GALNT17: variants seen among roughly 807,000 people sequenced by gnomAD.
GALNT17 encodes polypeptide N-acetylgalactosaminyltransferase 17.
Under a neutral mutation model 63.7 loss-of-function variants are expected in GALNT17, and 29 were observed. That is an observed-to-expected ratio of 0.46 (90% CI 0.34 to 0.62). GALNT17 has a LOEUF of 0.62. Among genes scored for constraint, GALNT17 ranks in the 20% least tolerant of loss-of-function variants. The pLI, the probability that GALNT17 is intolerant of heterozygous loss-of-function variation, is 0.01. For synonymous variants in GALNT17, 305 were observed against 318.3 expected, an observed-to-expected ratio of 0.96 and a Z score of 0.45; for missense variants, 603 against 799.6, an observed-to-expected ratio of 0.75 and a Z score of 2.97.
intron 3 of GALNT17, among the ~76,000 whole-genome samples, chr7:71,396,066 T>A (rs949955771): frequency 6.6e-6 from 1 of 152,214 alleles, no homozygotes; most frequent in Non-Finnish European, 1.5e-5. Context: ...CTGTGGGTTG[T>A]CTTTTCACAT....
At chr7:71,670,322 A>G (rs1267218193) in intron 8 of GALNT17, among the ~76,000 whole-genome samples, 1 of 152,168 alleles carries the variant, frequency 6.6e-6, no homozygotes, top group Non-Finnish European at 1.5e-5. Flanking sequence ...AGACTATGAT[A>G]GTCTACTTTG....
intron 1 of GALNT17, among the ~76,000 whole-genome samples, chr7:71,268,240 C>T (rs1311660127): frequency 2.0e-5 from 3 of 152,034 alleles, no homozygotes; most frequent in African/African-American, 7.2e-5. Flanking sequence ...AAGCAAACCC[C>T]CCATACAGAT....
At chr7:71,683,575 G>A (rs1047722550) in intron 9 of GALNT17, among the ~76,000 whole-genome samples, 3 of 152,182 alleles carry the variant, frequency 2.0e-5, no homozygotes, top group African/African-American at 7.2e-5. Flanking sequence ...CTTGCAGCAT[G>A]TGTTTGTCAA....
chr7:71,337,550 T>C (rs1197343949), intron 2 of GALNT17, among the ~76,000 whole-genome samples: 4 of 152,162 alleles, frequency 2.6e-5, no homozygotes, highest in Admixed American at 2.6e-4. Flanking sequence ...CTTACACTTT[T>C]TTGCATGAGA....
At chr7:71,706,713 T>TTA (rs1436470286) in intron 9 of GALNT17, among the ~76,000 whole-genome samples, 1 of 152,158 alleles carries the variant, frequency 6.6e-6, no homozygotes, top group Non-Finnish European at 1.5e-5. Flanking sequence ...CAAGGGCACT[T>TTA]AATAAACTCC....
At chr7:71,590,876 T>C (rs1309567563) in intron 6 of GALNT17, among the ~76,000 whole-genome samples, 1 of 151,848 alleles carries the variant, frequency 6.6e-6, no homozygotes, top group Non-Finnish European at 1.5e-5. Context: ...TACAGGTGCC[T>C]GCCACCAAGC....
intron 1 of GALNT17, among the ~76,000 whole-genome samples, chr7:71,176,232 C>G (rs1157578303): frequency 6.6e-6 from 1 of 151,988 alleles, no homozygotes; most frequent in African/African-American, 2.4e-5. Context: ...TCTGAAGTCC[C>G]CATATACCGC....
At chr7:71,173,723 A>G (rs10081291) in intron 1 of GALNT17, among the ~76,000 whole-genome samples, 45,860 of 151,924 alleles carry the variant, frequency 0.3, 8,017 homozygotes, top group African/African-American at 0.48. Flanking sequence ...CAGTGAGCTG[A>G]GATTGTGCCA....
In GALNT17 at chr7:71,570,723, T is replaced by C. The variant is rs376910699; in HGVS notation, c.963-562T>C. 2.6e-4 allele frequency among the ~76,000 whole-genome samples: 39 copies of C among 152,284 alleles called. 2 individuals are homozygous for C. In the South Asian group the frequency reaches 8.1e-3, roughly 32 times the overall value. ...GGCTGGGCATGGTGTTTCATGCCTGTAATCCCAGCACTTTGGGACGCTGAG... is the reference window on the plus strand; with the variant it reads ...GGCTGGGCATGGTGTTTCATGCCTGCAATCCCAGCACTTTGGGACGCTGAG... On this transcript the variant is annotated intron_variant, in intron 5 of 10. Coordinates refer to ENST00000333538, the MANE Select transcript of GALNT17 (RefSeq NM_022479.3).
At chr7:71,482,140 A>G (rs1474889903) in intron 5 of GALNT17, among the ~76,000 whole-genome samples, 2 of 123,392 alleles carry the variant, frequency 1.6e-5, no homozygotes, top group Non-Finnish European at 3.3e-5. Context: ...TTGCATAATG[A>G]CAAGGATACA....
chr7:71,135,906 G>T (rs1787775709), intron 1 of GALNT17, among the ~76,000 whole-genome samples: 1 of 152,184 alleles, frequency 6.6e-6, no homozygotes. Flanking sequence ...GAGTTTTCCT[G>T]ACTTGCAAGT....
At chr7:71,661,685 C>T (rs1240242149) in intron 6 of GALNT17, among the ~76,000 whole-genome samples, 2 of 152,164 alleles carry the variant, frequency 1.3e-5, no homozygotes, top group Non-Finnish European at 2.9e-5. Context: ...CAGGCACTGA[C>T]CCTGGCAGTT....
intron 1 of GALNT17, among the ~76,000 whole-genome samples, chr7:71,225,058 T>C (rs924246607): frequency 7.2e-5 from 11 of 152,134 alleles, no homozygotes; most frequent in Non-Finnish European, 2.9e-5. Flanking sequence ...AACCTCCACC[T>C]CCTGGGTTCA....
intron 5 of GALNT17, among the ~76,000 whole-genome samples, chr7:71,551,271 C>T (rs899506509): frequency 4.6e-5 from 7 of 152,038 alleles, no homozygotes; most frequent in Non-Finnish European, 1.0e-4. Context: ...AATTTTTGAA[C>T]TTTTTGATTT....
At chr7:71,425,124 T>A (rs1786734565) in intron 5 of GALNT17, among the ~76,000 whole-genome samples, 1 of 152,150 alleles carries the variant, frequency 6.6e-6, no homozygotes, top group Non-Finnish European at 1.5e-5. Flanking sequence ...AAAGGCCGAT[T>A]GTAAGGGTAA....
At chr7:71,617,186 G>A (rs1053398232) in intron 6 of GALNT17, among the ~76,000 whole-genome samples, 4 of 150,064 alleles carry the variant, frequency 2.7e-5, no homozygotes, top group African/African-American at 9.8e-5. Context: ...AGATATGGGG[G>A]TACATGTGCA....
intron 1 of GALNT17, among the ~76,000 whole-genome samples, chr7:71,333,467 G>C (rs910728664): frequency 2.0e-5 from 3 of 152,116 alleles, no homozygotes; most frequent in Non-Finnish European, 2.9e-5. Flanking sequence ...TTTTGGGGAC[G>C]AATGTTTCCA....
intron 5 of GALNT17, among the ~76,000 whole-genome samples, chr7:71,546,667 T>A (rs1160751638): frequency 6.6e-6 from 1 of 152,244 alleles, no homozygotes; most frequent in Admixed American, 6.5e-5. Flanking sequence ...CAAAAGCAGA[T>A]ACTCTTACTC....
At chr7:71,580,151 A>G (rs1322252664) in intron 6 of GALNT17, among the ~76,000 whole-genome samples, 1 of 152,122 alleles carries the variant, frequency 6.6e-6, no homozygotes, top group African/African-American at 2.4e-5. Context: ...AGATGGATAG[A>G]TGATATAGAT....
Sources: allele counts gnomAD v4.1 joint callset (sites outside exome capture counted in the v4.1 genomes callset), GRCh38; gene constraint gnomAD v4.1.1; transcripts MANE v1.5; gene names NCBI Gene and HGNC (gene_info 2026-07-23, HGNC 2026-07-21).